Variants in GABPB1 observed in about 807,000 individuals in gnomAD.
GABPB1 encodes the protein GA binding protein transcription factor subunit beta 1.
A neutral mutation model predicts 45.9 loss-of-function variants in GABPB1; 15 were observed. The observed-to-expected ratio is 0.33, with a 90% CI of 0.22 to 0.50. GABPB1 has a LOEUF of 0.50. Among genes scored for constraint, GABPB1 ranks in the 20% least tolerant of loss-of-function variants. GABPB1 has a pLI of 0.98. For missense variants in GABPB1, 252 were observed against 457.5 expected, an observed-to-expected ratio of 0.55 and a Z score of 4.10; for synonymous variants, 143 against 154.4, an observed-to-expected ratio of 0.93 and a Z score of 0.55.
intron 1 of GABPB1, 82 bp from the exon 2 acceptor site, chr15:50,309,880 A>C: frequency 1.2e-6 from 1 of 816,980 alleles, no homozygotes; most frequent in African/African-American, 1.7e-5. Context: ...TGTCTTTATT[A>C]ATAAGTCAGT....
chr15:50,355,142 C>T lies in GABPB1; in HGVS notation c.-158G>A, dbSNP rs2049053764. On this transcript the variant is annotated 5_prime_UTR_variant, in exon 1 of 9. Transcript: ENST00000380877. ...CCGAAAATGCCGCGTCTGGTCGGCG[C>T]CCAAAATCCCCACCGAAAAGTCCCC... The T allele has an allele frequency of 1.3e-5, 2 of 153,250 alleles. No individual in the cohort carries two copies. The highest frequency in any genetic ancestry group is 2.9e-5 in the Non-Finnish European group (2 of 68,290). 9.5% of individuals were successfully genotyped at this position (153,250 alleles called of 1,614,324 possible).
At chr15:50,322,578 AC>A (rs1428999915) in intron 1 of GABPB1, among the ~76,000 whole-genome samples, 2 of 152,112 alleles carry the variant, frequency 1.3e-5, no homozygotes, top group Non-Finnish European at 2.9e-5. Context: ...CAGTACAGTA[AC>A]CACTAGTTAT....
At chr15:50,312,121 A>T (rs931761723) in intron 1 of GABPB1, among the ~76,000 whole-genome samples, 5 of 152,196 alleles carry the variant, frequency 3.3e-5, no homozygotes, top group African/African-American at 1.2e-4. Flanking sequence ...GAGGTGGGTG[A>T]ATCACTTGAG....
intron 1 of GABPB1, among the ~76,000 whole-genome samples, chr15:50,323,797 A>C (rs1450108848): frequency 6.6e-6 from 1 of 152,174 alleles, no homozygotes. Context: ...GCTTAAGCCC[A>C]GAAGTTTGAG....
chr15:50,329,904 T>C (rs1206990808), intron 1 of GABPB1, among the ~76,000 whole-genome samples: 1 of 135,926 alleles, frequency 7.4e-6, no homozygotes, highest in Non-Finnish European at 1.7e-5. Flanking sequence ...CTTCCACTCT[T>C]ACTTTTTTTT....
intron 7 of GABPB1, 112 bp from the exon 8 acceptor site, chr15:50,286,295 CAAT>C (rs1276459622): frequency 2.9e-6 from 2 of 681,304 alleles, no homozygotes; most frequent in Non-Finnish European, 4.3e-6. Context: ...CATTCCAAAA[CAAT>C]AATTCCAAAT....
At chr15:50,280,967 G>A (rs1011498071) in intron 8 of GABPB1, among the ~76,000 whole-genome samples, 1 of 152,134 alleles carries the variant, frequency 6.6e-6, no homozygotes, top group African/African-American at 2.4e-5. Flanking sequence ...AAAGCAAACC[G>A]AGTGAGGTAG....
chr15:50,278,762 T>C lies in GABPB1; in HGVS notation c.1022A>G (p.Gln341Arg), dbSNP rs759446476. ...TGCTTCTCGATTTGCTTCATCCAGC[T>C]GTTTCTGAAGAGCTTCTCTCTCCTA... ...EIEEREALQK[Q>R]LDEANREAQK... Residue 341 changes from glutamine (Q) to arginine (R), a missense_variant, in exon 9 of 9, where the codon CAG (glutamine) becomes CGG (arginine). Gln to Arg is a conservative substitution (Grantham distance 43). This residue lies in a region of GABPB1 where 5 missense variants were observed against 30.0 expected (regional missense o/e 0.17). Transcript: ENST00000380877. 3.1e-6 allele frequency: 5 copies of C among 1,612,622 alleles called. No individual in the cohort carries two copies. The highest frequency in any genetic ancestry group is 1.7e-4 in the Middle Eastern group (1 of 6,056).
chr15:50,282,127 G>A (rs1012082440), intron 8 of GABPB1, among the ~76,000 whole-genome samples: 32 of 151,796 alleles, frequency 2.1e-4, no homozygotes, highest in African/African-American at 7.8e-4. Flanking sequence ...TGAGCCCAGG[G>A]AGGTCAAGGC....
chr15:50,303,361 CA>C (rs1213964638), intron 3 of GABPB1, among the ~76,000 whole-genome samples: 8 of 151,802 alleles, frequency 5.3e-5, no homozygotes, highest in African/African-American at 1.9e-4. Flanking sequence ...CTAGCCTGGG[CA>C]ATATGGCAAA....
intron 1 of GABPB1, chr15:50,354,340 C>A (rs1253663034): frequency 4.5e-6 from 2 of 447,504 alleles, no homozygotes; most frequent in South Asian, 3.1e-5. Context: ...CCAAGGCTGT[C>A]GCTGCGGGGG....
chr15:50,344,205 A>G (rs2048482173), intron 1 of GABPB1, among the ~76,000 whole-genome samples: 1 of 152,256 alleles, frequency 6.6e-6, no homozygotes, highest in Non-Finnish European at 1.5e-5. Flanking sequence ...AATGTTAAAC[A>G]GTAAGGAATA....
In GABPB1 at chr15:50,278,231, A is replaced by ATC. The variant is rs2045876348; in HGVS notation, c.*399_*400dup. ...TTATACCTACAGGAGTAATTCCAGC[A>ATC]TCAGTCCACCATAATTATTACACAA... On this transcript the variant is annotated 3_prime_UTR_variant, in exon 9 of 9. Transcript: ENST00000380877. 6.5e-6 allele frequency: 1 copy of ATC among 153,788 alleles called. No homozygotes were observed. The highest frequency in any genetic ancestry group is 6.5e-5 in the Admixed American group (1 of 15,340). 9.5% of individuals were successfully genotyped at this position (153,788 alleles called of 1,614,324 possible).
chr15:50,313,184 A>C (rs181624531), intron 1 of GABPB1, among the ~76,000 whole-genome samples: 41 of 152,334 alleles, frequency 2.7e-4, no homozygotes, highest in Middle Eastern at 3.4e-3. Context: ...AAAAGTAAAC[A>C]GCAAGGACCC....
chr15:50,351,205 C>T (rs987659592), intron 1 of GABPB1: 6 of 152,210 alleles, frequency 3.9e-5, no homozygotes. Context: ...CAACACAATA[C>T]CCCAAATATA....
intron 1 of GABPB1, among the ~76,000 whole-genome samples, chr15:50,336,181 T>A (rs1049339673): frequency 6.6e-6 from 1 of 151,014 alleles, no homozygotes; most frequent in African/African-American, 2.4e-5. Context: ...CGAAAACCCA[T>A]CTCTATTAAA....
At chr15:50,291,739 G>A (rs1305645969) in intron 6 of GABPB1, among the ~76,000 whole-genome samples, 3 of 151,884 alleles carry the variant, frequency 2.0e-5, no homozygotes, top group Non-Finnish European at 1.5e-5. Context: ...GGGTAACACA[G>A]TGAAAAACTG....
chr15:50,347,595 A>C (rs1163065240), intron 1 of GABPB1: 1 of 152,160 alleles, frequency 6.6e-6, no homozygotes, highest in Non-Finnish European at 1.5e-5. Flanking sequence ...AAAGGATTCC[A>C]GGAGTCAGAA....
chr15:50,344,795 G>A (rs1177977632), intron 1 of GABPB1, among the ~76,000 whole-genome samples: 1 of 152,002 alleles, frequency 6.6e-6, no homozygotes, highest in Non-Finnish European at 1.5e-5. Flanking sequence ...CCAAGATTGC[G>A]CCATTGCACT....
Sources: gnomAD v4.1 joint callset for allele counts (sites outside exome capture counted in the v4.1 genomes callset) on GRCh38, gnomAD v4.1.1 for gene constraint, gnomAD v4.1.1 regional missense constraint, MANE v1.5 for transcripts, NCBI Gene and HGNC (gene_info 2026-07-23, HGNC 2026-07-21) for gene names.